ARHGEF3: variants seen among roughly 807,000 people sequenced by gnomAD.
ARHGEF3 encodes the protein 59.8 kDA protein.
ARHGEF3 carries 28 observed loss-of-function variants against 63.2 expected under a neutral mutation model. The ratio of observed to expected loss-of-function variants is 0.44; its 90% confidence interval spans 0.33 to 0.61. The LOEUF (loss-of-function observed/expected upper bound fraction) is 0.61, where lower values mean the gene tolerates loss of function less well. Among genes scored for constraint, ARHGEF3 ranks in the 20% least tolerant of loss-of-function variants. ARHGEF3 has a pLI of 0.03. For synonymous variants in ARHGEF3, 266 were observed against 254.2 expected, an observed-to-expected ratio of 1.05 and a Z score of -0.44; for missense variants, 533 against 659.3, an observed-to-expected ratio of 0.81 and a Z score of 2.10.
intron 4 of ARHGEF3, among the ~76,000 whole-genome samples, chr3:56,843,851 A>G (rs536008266): frequency 5.3e-5 from 8 of 152,318 alleles, no homozygotes; most frequent in African/African-American, 1.9e-4. Flanking sequence ...AGGAAAAGTA[A>G]TACATGAATG....
intron 3 of ARHGEF3, among the ~76,000 whole-genome samples, chr3:56,886,238 C>T (rs2040921468): frequency 1.3e-5 from 2 of 152,188 alleles, no homozygotes; most frequent in African/African-American, 4.8e-5. Flanking sequence ...CTTGGTCAGT[C>T]ATGCTCACAG....
intron 3 of ARHGEF3, among the ~76,000 whole-genome samples, chr3:56,882,536 CAG>C (rs2040804793): frequency 9.2e-6 from 1 of 109,162 alleles, no homozygotes; most frequent in African/African-American, 3.6e-5. Flanking sequence ...TTTTTTGAGA[CAG>C]AGTCTCACTC....
chr3:57,067,735 A>G (rs1705635369), intron 1 of ARHGEF3, among the ~76,000 whole-genome samples: 1 of 150,884 alleles, frequency 6.6e-6, no homozygotes, highest in African/African-American at 2.4e-5. Context: ...TAATCCCAGC[A>G]CTTTGAGAGG....
chr3:56,935,555 C>T (rs528157302), intron 3 of ARHGEF3, among the ~76,000 whole-genome samples: 4 of 152,282 alleles, frequency 2.6e-5, no homozygotes, highest in South Asian at 2.1e-4. Flanking sequence ...TGCAGCTTCA[C>T]TCCTGAGCCC....
At position 56,882,195 on chromosome 3, in the gene ARHGEF3, G is replaced by A. The variant is rs573168554; in HGVS notation, c.192+97C>T. On this transcript the variant is annotated intron_variant, in intron 4 of 12. Transcript: ENST00000338458. ...TCACAACTTCCATAGTCAGATCCTG[G>A]AAGCCCACTTCAAGCACACAGCATA... 14 of 1,207,926 alleles carry A rather than the reference G, an allele frequency of 1.2e-5. No homozygotes were observed. The Admixed American group carries it at 2.2e-4, about 19-fold the overall frequency. 74.8% of individuals were successfully genotyped at this position (1,207,926 alleles called of 1,614,324 possible). A position where few individuals can be genotyped will look rare whatever the true frequency, so the allele number is the denominator to read the frequency against.
intron 2 of ARHGEF3, among the ~76,000 whole-genome samples, chr3:56,995,668 A>AGAGAGG (rs1560116656): frequency 6.8e-5 from 9 of 133,080 alleles, no homozygotes; most frequent in Non-Finnish European, 1.3e-4. Flanking sequence ...AGAGAGAGAG[A>AGAGAGG]GAGAATTTTT....
rs774711448 is a variant in ARHGEF3 at position 56,729,567 on chromosome 3, C to T, written c.1284G>A (p.Ser428=). 1.2e-5 allele frequency: 19 copies of T among 1,612,254 alleles called. No individual in the cohort carries two copies. In the Admixed American group the frequency reaches 1.5e-4, roughly 13 times the overall value. The change falls in exon 10 of 10, where the codon TCG becomes TCA. Residue 428 remains serine, a synonymous_variant. Coordinates refer to ENST00000296315, the MANE Select transcript of ARHGEF3 (RefSeq NM_019555.3). ...TGTTGAAAGTGTCATTGGCTTGTAGCGAGTGGGTCTGACTTTGGGATCCAT... is the reference window on the plus strand; with the variant it reads ...TGTTGAAAGTGTCATTGGCTTGTAGTGAGTGGGTCTGACTTTGGGATCCAT... The part of the protein sequence containing the change: ...FKNGSQSQTH[S]LQANDTFNKQ...
At chr3:56,899,071 C>CA (rs1224518046) in intron 3 of ARHGEF3, among the ~76,000 whole-genome samples, 1 of 152,030 alleles carries the variant, frequency 6.6e-6, no homozygotes, top group African/African-American at 2.4e-5. Flanking sequence ...AAAACAACAA[C>CA]AAAAAAACAC....
chr3:56,969,752 C>CAAAAA (rs138504813), intron 2 of ARHGEF3, among the ~76,000 whole-genome samples: 5 of 134,226 alleles, frequency 3.7e-5, no homozygotes, highest in Non-Finnish European at 6.2e-5. Flanking sequence ...GACTCCGTAT[C>CAAAAA]AAAAAAAAAA....
At chr3:57,003,429 T>TAAAAAAAAAAAAAAA (rs1553802835) in intron 2 of ARHGEF3, among the ~76,000 whole-genome samples, 1 of 83,466 alleles carries the variant, frequency 1.2e-5, no homozygotes, top group African/African-American at 5.1e-5. Flanking sequence ...AAAAAAAAAG[T>TAAAAAAAAAAAAAAA]TAAATAACTT....
intron 1 of ARHGEF3, among the ~76,000 whole-genome samples, chr3:56,790,317 T>A (rs78900529): frequency 0.022 from 3,306 of 152,288 alleles, 137 homozygotes; most frequent in African/African-American, 0.075. Context: ...AGCTCTCAGA[T>A]AAGTCACCAC....
chr3:56,893,430 T>G (rs775865883), intron 3 of ARHGEF3, among the ~76,000 whole-genome samples: 12 of 152,200 alleles, frequency 7.9e-5, no homozygotes, highest in Non-Finnish European at 1.6e-4. Context: ...CCTCCTGCCT[T>G]GGCCTGCCCA....
At chr3:56,952,822 T>C (rs1699873279) in intron 3 of ARHGEF3, among the ~76,000 whole-genome samples, 1 of 151,922 alleles carries the variant, frequency 6.6e-6, no homozygotes, top group Non-Finnish European at 1.5e-5. Context: ...TCGAAGAGAG[T>C]AGAAGGAAAT....
intron 4 of ARHGEF3, among the ~76,000 whole-genome samples, chr3:56,836,937 A>G (rs926100486): frequency 1.3e-5 from 2 of 152,140 alleles, no homozygotes; most frequent in Non-Finnish European, 2.9e-5. Flanking sequence ...AAAACAAAAC[A>G]AAAAGTCACT....
chr3:56,945,577 G>A (rs190577875), intron 3 of ARHGEF3, among the ~76,000 whole-genome samples: 15 of 152,296 alleles, frequency 9.8e-5, no homozygotes, highest in Non-Finnish European at 1.9e-4. Context: ...AGCAAGGCTG[G>A]AGGAGGGGCG....
intron 4 of ARHGEF3, among the ~76,000 whole-genome samples, chr3:56,821,541 T>C (rs750348942): frequency 6.6e-6 from 1 of 152,192 alleles, no homozygotes; most frequent in Non-Finnish European, 1.5e-5. Context: ...AGGTTATAAG[T>C]GAAAATGGCA....
chr3:56,802,024 G>A, upstream of ARHGEF3: 1 of 1,418,444 alleles, frequency 7.0e-7, no homozygotes, highest in Non-Finnish European at 9.2e-7. Flanking sequence ...CCGCCGGCTC[G>A]GCACCGCCCC....
chr3:56,979,576 T>TCACTAGGAATAAAGTAGGCCCC (rs1186464311), intron 2 of ARHGEF3, among the ~76,000 whole-genome samples: 2 of 152,164 alleles, frequency 1.3e-5, no homozygotes, highest in African/African-American at 2.4e-5. Context: ...AGCAAGGCCC[T>TCACTAGGAATAAAGTAGGCCCC]CACTAGGAAT....
chr3:56,875,237 A>G (rs187927850), intron 4 of ARHGEF3, among the ~76,000 whole-genome samples: 14 of 152,290 alleles, frequency 9.2e-5, no homozygotes, highest in African/African-American at 2.9e-4. Flanking sequence ...TCTTGTTGCT[A>G]TGTATCTAAT....
Sources: allele counts gnomAD v4.1 joint callset (sites outside exome capture counted in the v4.1 genomes callset), GRCh38; gene constraint gnomAD v4.1.1; transcripts MANE v1.5; gene names NCBI Gene and HGNC (gene_info 2026-07-23, HGNC 2026-07-21).